Variants in VPS53 observed in about 807,000 individuals in gnomAD.
VPS53 encodes VPS53 subunit of GARP complex, also known as vacuolar protein sorting-associated protein 53 homolog.
Under a neutral mutation model 107.0 loss-of-function variants are expected in VPS53, and 70 were observed. The ratio of observed to expected loss-of-function variants is 0.65; its 90% CI spans 0.54 to 0.80. The LOEUF (loss-of-function observed/expected upper bound fraction) is 0.80. Among genes scored for constraint, VPS53 ranks in the 30% least tolerant of loss-of-function variants. VPS53 has a pLI of 0.00. For synonymous variants in VPS53, 409 were observed against 393.3 expected (o/e 1.04, Z -0.47); for missense variants, 917 against 1,049.4 (o/e 0.87, Z 1.74).
chr17:615,237 C>T (rs1179608721), intron 11 of VPS53, among the ~76,000 whole-genome samples: 1 of 152,206 alleles, frequency 6.6e-6, no homozygotes, highest in Non-Finnish European at 1.5e-5. Flanking sequence ...AGTTACAGCA[C>T]AGGACATCGT....
intron 4 of VPS53, among the ~76,000 whole-genome samples, chr17:683,940 G>A (rs1470955820): frequency 3.3e-5 from 5 of 152,170 alleles, no homozygotes; most frequent in Non-Finnish European, 1.5e-5. Context: ...CAGTGATGGT[G>A]TTCATAATAC....
chr17:709,527 C>A (rs939443887), intron 2 of VPS53, among the ~76,000 whole-genome samples: 1 of 152,210 alleles, frequency 6.6e-6, no homozygotes, highest in Non-Finnish European at 1.5e-5. Flanking sequence ...TGTTTCCTTA[C>A]CGCACTGTCC....
intron 4 of VPS53, among the ~76,000 whole-genome samples, chr17:686,927 G>A (rs140015172): frequency 5.7e-4 from 86 of 151,068 alleles, no homozygotes; most frequent in Non-Finnish European, 1.1e-3. Flanking sequence ...CAGAAGGATT[G>A]CTTGAGGCCA....
At chr17:660,184 C>T (rs1431733594) in intron 5 of VPS53, among the ~76,000 whole-genome samples, 2 of 152,206 alleles carry the variant, frequency 1.3e-5, no homozygotes, top group Non-Finnish European at 2.9e-5. Flanking sequence ...CACTCACCAA[C>T]GATGCATCCT....
intron 13 of VPS53, among the ~76,000 whole-genome samples, chr17:584,509 T>G (rs147696168): frequency 4.3e-4 from 66 of 152,332 alleles, no homozygotes; most frequent in African/African-American, 1.6e-3. Flanking sequence ...GTGAAAAGCA[T>G]ATAGTATATT....
At chr17:606,575 C>A (rs949668064) in intron 11 of VPS53, among the ~76,000 whole-genome samples, 2 of 152,106 alleles carry the variant, frequency 1.3e-5, no homozygotes, top group African/African-American at 4.8e-5. Context: ...CGGTACAAGG[C>A]GGTTCCACTA....
chr17:615,988 T>C (rs1407626771), intron 11 of VPS53: 2 of 152,208 alleles, frequency 1.3e-5, no homozygotes, highest in Non-Finnish European at 2.9e-5. Flanking sequence ...CACAATGAGA[T>C]GATGGTGGGG....
intron 13 of VPS53, among the ~76,000 whole-genome samples, chr17:581,718 A>AG (rs1289786250): frequency 4.6e-5 from 7 of 151,482 alleles, no homozygotes; most frequent in Non-Finnish European, 8.8e-5. Flanking sequence ...GCGTTCCTAG[A>AG]GAACTTTCCT....
chr17:647,978 C>T (rs781285669), intron 7 of VPS53, among the ~76,000 whole-genome samples: 10 of 152,302 alleles, frequency 6.6e-5, no homozygotes, highest in South Asian at 2.1e-4. Context: ...ACCGTGAATG[C>T]GTGAATGCTC....
At chr17:710,187 T>C (rs1973584741) in intron 2 of VPS53, among the ~76,000 whole-genome samples, 3 of 152,094 alleles carry the variant, frequency 2.0e-5, no homozygotes, top group African/African-American at 4.8e-5. Context: ...CATCTTGAAA[T>C]AGAGGTGAAA....
intron 19 of VPS53, among the ~76,000 whole-genome samples, chr17:530,431 G>A (rs768119540): frequency 1.1e-4 from 16 of 151,978 alleles, no homozygotes; most frequent in Admixed American, 2.0e-4. Flanking sequence ...GGGATTAAGG[G>A]TGTAAGCCAC....
At chr17:525,432 T>C (rs1909058581) in intron 19 of VPS53, among the ~76,000 whole-genome samples, 1 of 152,086 alleles carries the variant, frequency 6.6e-6, no homozygotes, top group African/African-American at 2.4e-5. Flanking sequence ...CTCATGCCTG[T>C]AATCCCAGCA....
At chr17:581,343 C>T (rs942810965) in intron 13 of VPS53, among the ~76,000 whole-genome samples, 1 of 151,778 alleles carries the variant, frequency 6.6e-6, no homozygotes, top group African/African-American at 2.4e-5. Context: ...AGAGAACTTC[C>T]CTAAGAACCT....
intron 13 of VPS53, among the ~76,000 whole-genome samples, chr17:574,074 C>T (rs1176076772): frequency 6.6e-5 from 10 of 152,122 alleles, no homozygotes; most frequent in Admixed American, 1.3e-4. Flanking sequence ...ATAACGAGTG[C>T]GTTGGGCATT....
chr17:588,453 A>G (rs1338009086), intron 12 of VPS53, among the ~76,000 whole-genome samples: 1 of 152,174 alleles, frequency 6.6e-6, no homozygotes, highest in African/African-American at 2.4e-5. Flanking sequence ...TCTGGCCTTT[A>G]AAAAAATTTT....
intron 17 of VPS53, among the ~76,000 whole-genome samples, chr17:544,676 A>G (rs1055526691): frequency 6.6e-6 from 1 of 152,262 alleles, no homozygotes; most frequent in African/African-American, 2.4e-5. Flanking sequence ...GAAATAGCAT[A>G]GCCATCTGAT....
intron 12 of VPS53, 148 bp downstream of exon 12, chr17:601,647 C>T: frequency 1.7e-6 from 1 of 573,220 alleles, no homozygotes; most frequent in Non-Finnish European, 3.1e-6. Flanking sequence ...TCTACATGCA[C>T]TTTCAGATAA....
chr17:510,707 T>C lies in VPS53; in HGVS notation c.*8421A>G, dbSNP rs1054106870. On this transcript the variant is annotated 3_prime_UTR_variant, in exon 22 of 22. Transcript: ENST00000437048. ...TTCCCACCCCACCAACATGTACAGA[T>C]AGCACTGAATTGCCCAGGCCCTCTC... 1 of 152,828 alleles carries C rather than the reference T, an allele frequency of 6.5e-6. No individual in the cohort carries two copies. Among genetic ancestry groups the C allele is most frequent in the Non-Finnish European group, 1.5e-5 (1 of 68,508 alleles). The allele number at this position is 152,828 out of a possible 1,614,324, so 9.5% of individuals were successfully genotyped here.
chr17:633,516 T>TA (rs1479126836), intron 7 of VPS53, among the ~76,000 whole-genome samples: 1 of 152,130 alleles, frequency 6.6e-6, no homozygotes, highest in African/African-American at 2.4e-5. Flanking sequence ...CCTGCTGAGA[T>TA]TTTTTTTCAG....
Sources: allele counts gnomAD v4.1 joint callset (sites outside exome capture counted in the v4.1 genomes callset), GRCh38; gene constraint gnomAD v4.1.1; transcripts MANE v1.5; gene names NCBI Gene and HGNC (gene_info 2026-07-23, HGNC 2026-07-21).